The following LRRC7 variants were observed in gnomAD, a reference collection of about 807,000 sequenced individuals.
LRRC7 encodes the protein leucine rich repeat containing 7, also known as leucine-rich repeat-containing protein 7.
Under a neutral mutation model 175.7 loss-of-function variants are expected in LRRC7, and 23 were observed. That is an observed-to-expected ratio of 0.13 (90% CI 0.09 to 0.19). The LOEUF (loss-of-function observed/expected upper bound fraction) is 0.19, where lower values mean the gene tolerates loss of function less well. LRRC7 is among the 10% of genes least tolerant of loss of function. LRRC7 has a pLI of 1.00. For missense variants in LRRC7, 1,354 were observed against 1,904.7 expected (o/e 0.71, Z 5.38); for synonymous variants, 685 against 680.9 (o/e 1.01, Z -0.09).
At chr1:69,777,225 C>T (rs1672914162) in intron 3 of LRRC7, among the ~76,000 whole-genome samples, 1 of 152,140 alleles carries the variant, frequency 6.6e-6, no homozygotes, top group Non-Finnish European at 1.5e-5. Flanking sequence ...GGGATGCCAA[C>T]AGCAGGAGGA....
At chr1:70,076,828 A>G (rs1662817913) in intron 24 of LRRC7, among the ~76,000 whole-genome samples, 2 of 152,208 alleles carry the variant, frequency 1.3e-5, no homozygotes, top group Admixed American at 6.5e-5. Context: ...TTCAAAAGTT[A>G]CTGATAACTG....
intron 8 of LRRC7, among the ~76,000 whole-genome samples, chr1:69,951,083 T>G (rs765839815): frequency 5.5e-5 from 8 of 144,884 alleles, no homozygotes; most frequent in Non-Finnish European, 1.2e-4. Flanking sequence ...ATAAGGAACT[T>G]AAACAAATTT....
chr1:69,753,630 AATTAGTC>A (rs1420031890), intron 2 of LRRC7, among the ~76,000 whole-genome samples: 1 of 152,100 alleles, frequency 6.6e-6, no homozygotes, highest in Non-Finnish European at 1.5e-5. Flanking sequence ...AAATAAAAGT[AATTAGTC>A]ATATTTTACA....
Position 69,815,889 on chromosome 1 carries a change from A to T in LRRC7, c.422-9859A>T, listed in dbSNP as rs76026066. ...TTATTAAAAAGACCACTGGGAGCAG[A>T]CTTGCCCCTTCTCACTATGTCTTCA... On this transcript the variant is annotated intron_variant, in intron 4 of 26. Transcript: ENST00000651989. 3.1e-3 allele frequency among the ~76,000 whole-genome samples: 478 copies of T among 152,254 alleles called. 4 individuals carry two copies. The highest frequency in any genetic ancestry group is 0.023 in the East Asian group (121 of 5,178).
rs78295030 is a variant in LRRC7, at chr1:70,127,844, A to G, written c.*5957A>G. ...TTATTAGTCTACGGTTGGAACCACTATGTAGTCCTACCCAAAGACAAGGTC... is the reference window on the plus strand; with the variant it reads ...TTATTAGTCTACGGTTGGAACCACTGTGTAGTCCTACCCAAAGACAAGGTC... On this transcript the variant is annotated 3_prime_UTR_variant, in exon 27 of 27. Coordinates refer to ENST00000651989, the MANE Select transcript of LRRC7 (RefSeq NM_001370785.2). 8.8e-3 allele frequency among the ~76,000 whole-genome samples: 1,334 copies of G among 152,306 alleles called. 13 individuals carry two copies. Among genetic ancestry groups the G allele is most frequent in the African/African-American group, 0.027 (1,131 of 41,572 alleles).
chr1:69,620,323 A>AT (rs1650367391), intron 1 of LRRC7, among the ~76,000 whole-genome samples: 1 of 152,076 alleles, frequency 6.6e-6, no homozygotes, highest in East Asian at 1.9e-4. Context: ...TATAATCCAC[A>AT]TTTTTTAAAA....
intron 7 of LRRC7, among the ~76,000 whole-genome samples, chr1:69,913,574 C>T (rs576914503): frequency 4.2e-4 from 64 of 152,026 alleles, no homozygotes; most frequent in African/African-American, 1.4e-3. Flanking sequence ...TGCAATGGTG[C>T]GATCTCGGCT....
At chr1:69,924,807 A>G (rs1474664717) in intron 7 of LRRC7, among the ~76,000 whole-genome samples, 1 of 152,160 alleles carries the variant, frequency 6.6e-6, no homozygotes, top group East Asian at 1.9e-4. Flanking sequence ...CTCATGCCTG[A>G]TTGCCCTGGC....
At chr1:69,893,280 A>G (rs543849618) in intron 7 of LRRC7, among the ~76,000 whole-genome samples, 2 of 152,248 alleles carry the variant, frequency 1.3e-5, no homozygotes, top group East Asian at 1.9e-4. Flanking sequence ...TTTCTTTTGC[A>G]TTTCCTAAGA....
chr1:70,115,074 A>T (rs1665761790), intron 26 of LRRC7, among the ~76,000 whole-genome samples: 1 of 152,228 alleles, frequency 6.6e-6, no homozygotes, highest in Non-Finnish European at 1.5e-5. Context: ...AATGGTGTTT[A>T]TTTGGGAATA....
At chr1:69,813,011 C>T (rs1361807831) in intron 4 of LRRC7, among the ~76,000 whole-genome samples, 1 of 152,016 alleles carries the variant, frequency 6.6e-6, no homozygotes, top group African/African-American at 2.4e-5. Flanking sequence ...AATTGAGTGT[C>T]AATTGATGAA....
intron 14 of LRRC7, 86 bp from the exon 15 acceptor site, chr1:70,018,633 T>A: frequency 1.3e-6 from 1 of 750,172 alleles, no homozygotes; most frequent in Non-Finnish European, 2.1e-6. Flanking sequence ...TTCCCCCCAA[T>A]GTTTATTTAT....
At chr1:69,839,126 C>A in intron 7 of LRRC7, 1 of 213,712 alleles carries the variant, frequency 4.7e-6, no homozygotes. Context: ...TCTGCTGAAC[C>A]AAAATGTAAC....
At chr1:69,981,472 C>A (rs1653421229) in intron 9 of LRRC7, among the ~76,000 whole-genome samples, 1 of 152,072 alleles carries the variant, frequency 6.6e-6, no homozygotes, top group Non-Finnish European at 1.5e-5. Context: ...AGACACAAAA[C>A]AGAAAAATAT....
At chr1:70,023,672 A>T (rs971618349) in intron 17 of LRRC7, among the ~76,000 whole-genome samples, 4 of 151,970 alleles carry the variant, frequency 2.6e-5, no homozygotes, top group Non-Finnish European at 5.9e-5. Flanking sequence ...GGGAATACCA[A>T]TAGTTGGGCA....
chr1:69,792,900 T>C (rs1675286744), intron 4 of LRRC7, among the ~76,000 whole-genome samples: 1 of 152,048 alleles, frequency 6.6e-6, no homozygotes, highest in Admixed American at 6.6e-5. Flanking sequence ...CCTTGTTCAT[T>C]CATTAAATCT....
chr1:70,048,551 C>T (rs1340194911), intron 22 of LRRC7, among the ~76,000 whole-genome samples: 1 of 152,062 alleles, frequency 6.6e-6, no homozygotes, highest in Non-Finnish European at 1.5e-5. Context: ...TAGAACATGA[C>T]TCATAGGTTA....
At chr1:69,626,037 C>T (rs977215822) in intron 1 of LRRC7, among the ~76,000 whole-genome samples, 1 of 149,554 alleles carries the variant, frequency 6.7e-6, no homozygotes, top group Non-Finnish European at 1.5e-5. Flanking sequence ...TGTAAATGAT[C>T]TATTTTTGCT....
chr1:69,766,299 A>G (rs550912741), intron 3 of LRRC7, among the ~76,000 whole-genome samples: 7 of 152,198 alleles, frequency 4.6e-5, no homozygotes, highest in Non-Finnish European at 8.8e-5. Context: ...AACTTATAAA[A>G]CCTATTTGCT....
Sources: allele counts gnomAD v4.1 joint callset (sites outside exome capture counted in the v4.1 genomes callset), GRCh38; gene constraint gnomAD v4.1.1; transcripts MANE v1.5; gene names NCBI Gene and HGNC (gene_info 2026-07-23, HGNC 2026-07-21).